Variants in C1RL observed in about 807,000 individuals in gnomAD.
C1RL encodes the protein complement C1r subcomponent like.
A neutral mutation model predicts 27.9 loss-of-function variants in C1RL; 27 were observed. The observed-to-expected ratio is 0.97, with a 90% CI of 0.71 to 1.33. The LOEUF is 1.33. Ranked by LOEUF, C1RL falls within the 40% of genes most tolerant of loss-of-function variation. C1RL has a pLI of 0.00. For missense variants in C1RL, 563 were observed against 623.9 expected, an observed-to-expected ratio of 0.90 and a Z score of 1.04; for synonymous variants, 248 against 252.1, an observed-to-expected ratio of 0.98 and a Z score of 0.15.
At position 7,099,708 on chromosome 12, in the gene C1RL, C is replaced by A; in HGVS notation, c.669G>T (p.Glu223Asp). The A allele has an allele frequency of 6.4e-7, 1 of 1,557,008 alleles. No individual in the cohort carries two copies. Residue 223 changes from glutamate (E) to aspartate (D), a missense_variant, in exon 5 of 6, where the codon GAG (glutamate) becomes GAT (aspartate). Transcript: ENST00000266542. The part of the protein sequence containing the change: ...PGTWKDRQDG[E>D]EVLQCMPVCG... ...CACCAGGCATACACTGAAGAACCTCCTCCCCATCCTGTCTGTCTTTCCAGG... is the reference window on the plus strand; with the variant it reads ...CACCAGGCATACACTGAAGAACCTCATCCCCATCCTGTCTGTCTTTCCAGG...
At chr12:7,097,265 A>T in intron 5 of C1RL, 102 bp from the exon 6 acceptor site, 1 of 987,124 alleles carries the variant, frequency 1.0e-6, no homozygotes, top group Non-Finnish European at 1.4e-6. Flanking sequence ...ACGCGTGAAG[A>T]GACTCTGGGA....
In C1RL at chr12:7,096,785, G is replaced by T; in HGVS notation, c.1070C>A (p.Pro357Gln). Residue 357 changes from proline (P) to glutamine (Q), a missense_variant, in exon 6 of 6, where the codon CCG becomes CAG. Coordinates refer to ENST00000266542, the MANE Select transcript of C1RL (RefSeq NM_016546.4). ...HSIPLGPNVL[P>Q]VCLPDNETLY... ...GGTCTCATTATCGGGCAGACAGACC[G>T]GGAGGACGTTGGGGCCCAGGGGGAT... 6.2e-7 allele frequency: 1 copy of T among 1,605,710 alleles called. No individual in the cohort carries two copies. The highest frequency in any genetic ancestry group is 8.5e-7 in the Non-Finnish European group (1 of 1,175,322).
chr12:7,099,811 T>C (rs749409474), intron 4 of C1RL, 51 bp from the exon 5 acceptor site: 15 of 1,611,908 alleles, frequency 9.3e-6, no homozygotes, highest in Non-Finnish European at 1.2e-5. Context: ...GTTGAAGCTG[T>C]TGGTTAACGA....
chr12:7,106,304 T>C (rs1023851281), intron 2 of C1RL, among the ~76,000 whole-genome samples: 1 of 152,172 alleles, frequency 6.6e-6, no homozygotes, highest in Non-Finnish European at 1.5e-5. Context: ...CCAGATCAAC[T>C]ATCCCTCCAC....
intron 2 of C1RL, among the ~76,000 whole-genome samples, chr12:7,107,134 C>T (rs765010918): frequency 2.4e-4 from 36 of 151,914 alleles, no homozygotes; most frequent in Non-Finnish European, 4.7e-4. Flanking sequence ...GGAGGAACAG[C>T]TTGGAGACTG....
chr12:7,108,367 C>T lies in C1RL; in HGVS notation c.184G>A (p.Gly62Ser), dbSNP rs762758322. 10 of 1,614,128 alleles carry T rather than the reference C, an allele frequency of 6.2e-6. No homozygotes were observed. The South Asian group carries it at 9.9e-5, about 16-fold the overall frequency. The part of the protein sequence containing the change: ...LTSPGYPEPY[G>S]KGQESSTDIK... Reference sequence around the variant, plus strand: ...TCCGTGCTGCTCTCTTGGCCTTTGCCATACGGCTCTGGGTACCCGGGGGAT... The same window carrying T: ...TCCGTGCTGCTCTCTTGGCCTTTGCTATACGGCTCTGGGTACCCGGGGGAT... The change falls in exon 2 of 6, where the codon GGC becomes AGC. Residue 62 changes from glycine to serine, a missense_variant. Transcript: ENST00000266542.
Position 7,101,914 on chromosome 12 carries a change from G to A in C1RL, c.474C>T (p.Ala158=). Residue 158 remains alanine, a synonymous_variant, in exon 3 of 6, where the codon GCC becomes GCT. Coordinates refer to ENST00000266542, the MANE Select transcript of C1RL (RefSeq NM_016546.4). ...GACACTCACCCACGGTTTGGTAGAG[G>A]GCCAGGAAGCCCTTGTGGAGGTGGG... ...KTAHLHKGFL[A]LYQTVAVNYS... is the part of the protein sequence containing the mutation. 2 of 1,614,170 alleles carry A rather than the reference G, an allele frequency of 1.2e-6. No homozygotes were observed. The highest frequency in any genetic ancestry group is 1.7e-6 in the Non-Finnish European group (2 of 1,180,028).
Position 7,102,139 on chromosome 12 carries a change from G to A in C1RL, c.301-52C>T, listed in dbSNP as rs370391214. 202 of 1,541,648 alleles carry A rather than the reference G, an allele frequency of 1.3e-4. 1 individual carries two copies. Among genetic ancestry groups the A allele is most frequent in the Non-Finnish European group, 1.6e-4 (176 of 1,127,714 alleles). Reference sequence around the variant, plus strand: ...GCAGATAGGTGTGGGGTGAATCCGCGCTGCTGGCATCACAGGGGCACATCC... The same window carrying A: ...GCAGATAGGTGTGGGGTGAATCCGCACTGCTGGCATCACAGGGGCACATCC... On this transcript the variant is annotated intron_variant, in intron 2 of 5. Transcript: ENST00000266542.
At chr12:7,102,991 CTCCACAAG>C (rs1938667855) in intron 2 of C1RL, among the ~76,000 whole-genome samples, 2 of 152,206 alleles carry the variant, frequency 1.3e-5, no homozygotes, top group Non-Finnish European at 2.9e-5. Flanking sequence ...TTCCCTCATT[CTCCACAAG>C]TCCCAAATTC....
At position 7,097,079 on chromosome 12, in the gene C1RL, T is replaced by G. The variant is rs1397851816; in HGVS notation, c.776A>C (p.Gln259Pro). Residue 259 changes from glutamine (Q) to proline (P), a missense_variant, in exon 6 of 6, where the codon CAA (glutamine) becomes CCA (proline). Coordinates refer to ENST00000266542, the MANE Select transcript of C1RL (RefSeq NM_016546.4). ...ACGGCCGTGGATACTGGTGAAGGCT[T>G]GCCAGGGGAAGTTGCCCAGCTTGGC... ...SRAKLGNFPW[Q>P]AFTSIHGRGG... 1 of 1,614,090 alleles carries G rather than the reference T, an allele frequency of 6.2e-7. No individual in the cohort carries two copies. The highest frequency in any genetic ancestry group is 1.1e-5 in the South Asian group (1 of 91,084).
chr12:7,096,600 T>C lies in C1RL; in HGVS notation c.1255A>G (p.Met419Val). The change falls in exon 6 of 6, where the codon ATG (methionine) becomes GTG (valine). Residue 419 changes from methionine (M) to valine (V), a missense_variant. By Grantham distance (21) the Met-to-Val change is conservative (BLOSUM62 1). Coordinates refer to ENST00000266542, the MANE Select transcript of C1RL (RefSeq NM_016546.4). ...RQRPEVFSDN[M>V]FCVGDETQRH... ...TGCGTCTCATCCCCAACACAGAACA[T>C]ATTGTCAGAAAACACCTCGGGTCTC... The C allele has an allele frequency of 6.2e-7, 1 of 1,613,964 alleles. No individual in the cohort carries two copies. Among genetic ancestry groups the C allele is most frequent in the Non-Finnish European group, 8.5e-7 (1 of 1,179,996 alleles).
intron 2 of C1RL, among the ~76,000 whole-genome samples, chr12:7,103,170 G>A (rs1591599308): frequency 6.6e-6 from 1 of 152,318 alleles, no homozygotes; most frequent in East Asian, 1.9e-4. Context: ...GCATTTAAGA[G>A]GCCTGCTTTT....
At chr12:7,097,206 C>T (rs777103435) in intron 5 of C1RL, 43 bp from the exon 6 acceptor site, 3 of 1,525,586 alleles carry the variant, frequency 2.0e-6, no homozygotes, top group Non-Finnish European at 1.8e-6. Context: ...GCAGCTGCAT[C>T]TAGACACACT....
At chr12:7,097,375 T>C in intron 5 of C1RL, 2 of 506,766 alleles carry the variant, frequency 3.9e-6, no homozygotes, top group South Asian at 3.2e-5. Flanking sequence ...CTCCGCCTCC[T>C]GCGCTCAAGC....
chr12:7,108,911 T>C (rs1206176375), intron 1 of C1RL, 199 bp downstream of exon 1: 14 of 555,414 alleles, frequency 2.5e-5, no homozygotes. Flanking sequence ...AGTCTCCCCA[T>C]GGAATATCTG....
At chr12:7,099,877 AC>A in intron 4 of C1RL, 23 bp downstream of exon 4, 1 of 1,613,392 alleles carries the variant, frequency 6.2e-7, no homozygotes, top group South Asian at 1.1e-5. Flanking sequence ...GATGGAAGCC[AC>A]CCCTCGGCAG....
intron 2 of C1RL, among the ~76,000 whole-genome samples, chr12:7,103,556 A>G (rs1938683835): frequency 6.6e-6 from 1 of 152,220 alleles, no homozygotes; most frequent in South Asian, 2.1e-4. Context: ...TGTCCTGCAC[A>G]CACATAAGCT....
chr12:7,102,045 G>C lies in C1RL; in HGVS notation c.343C>G (p.Gln115Glu), dbSNP rs774690032. ...GSDPSQFCGQ[Q>E]GSPLGRPPGQ... ...GGGGGCCTGCCCAGAGGGGAGCCTT[G>C]CTGACCACAGAACTGGCTTGGATCC... The change falls in exon 3 of 6, where the codon CAA becomes GAA. Residue 115 changes from glutamine to glutamate, a missense_variant. By Grantham distance (29) the Gln-to-Glu change is conservative. Coordinates refer to ENST00000266542, the MANE Select transcript of C1RL (RefSeq NM_016546.4). 2 of 1,613,656 alleles carry C rather than the reference G, an allele frequency of 1.2e-6. No individual in the cohort carries two copies. Among genetic ancestry groups the C allele is most frequent in the African/African-American group, 2.7e-5 (2 of 75,066 alleles).
chr12:7,096,415 C>T lies in C1RL; in HGVS notation c.1440G>A (p.Lys480=). Residue 480 remains lysine (K), a synonymous_variant, in exon 6 of 6, where the codon AAG becomes AAA. Transcript: ENST00000266542. The part of the protein sequence containing the change: ...TKVLSYVDWI[K]GVMNGKN ...GTCAATTCTTGCCATTCATCACTCC[C>T]TTGATCCAGTCCACATAGCTGAGCA... The T allele has an allele frequency of 1.9e-6, 3 of 1,611,876 alleles. No individual in the cohort carries two copies. The highest frequency in any genetic ancestry group is 2.5e-6 in the Non-Finnish European group (3 of 1,178,668).
Sources: allele counts gnomAD v4.1 joint callset (sites outside exome capture counted in the v4.1 genomes callset), GRCh38; gene constraint gnomAD v4.1.1; transcripts MANE v1.5; gene names NCBI Gene and HGNC (gene_info 2026-07-23, HGNC 2026-07-21).